Variants in PITPNM3 observed in about 807,000 individuals in gnomAD.
The protein encoded by PITPNM3 is membrane-associated phosphatidylinositol transfer protein 3.
In PITPNM3, 26 loss-of-function variants were observed where a neutral mutation model predicts 102.0. That is an observed-to-expected ratio of 0.25 (90% CI 0.19 to 0.35). The LOEUF is 0.35. PITPNM3 is among the 10% of genes least tolerant of loss of function. The probability of loss-of-function intolerance (pLI) is 1.00; values close to 1 mark genes in which losing one functional copy is unlikely to be tolerated. For synonymous variants in PITPNM3, 578 were observed against 558.6 expected, an observed-to-expected ratio of 1.03 and a Z score of -0.49; for missense variants, 1,083 against 1,346.1, an observed-to-expected ratio of 0.80 and a Z score of 3.06.
chr17:6,478,637 G>C lies in PITPNM3; in HGVS notation c.687C>G (p.Tyr229Ter). 1 of 1,613,964 alleles carries C rather than the reference G, an allele frequency of 6.2e-7. No individual in the cohort carries two copies. The highest frequency in any genetic ancestry group is 8.5e-7 in the Non-Finnish European group (1 of 1,179,982). ...CGATGACGGTGGCGACAGCATCCTG[G>C]TACTGCGGGGAGGAGATGGCCAACA... ...LPLLAISSPQ[Y>*]QDAVATVIER... Residue 229 changes from tyrosine to a stop codon, truncating the protein, a stop_gained, in exon 7 of 20, where the codon TAC (tyrosine) becomes TAG (stop). Coordinates refer to ENST00000262483, the MANE Select transcript of PITPNM3 (RefSeq NM_031220.4). LOFTEE classifies it high-confidence loss of function. This position sits in a 1 kb window ranked among gnomAD's most constrained non-coding sequence, Gnocchi z 4.4.
chr17:6,460,376 G>C (rs1184003122), intron 18 of PITPNM3, among the ~76,000 whole-genome samples: 1 of 152,186 alleles, frequency 6.6e-6, no homozygotes, highest in Non-Finnish European at 1.5e-5. Flanking sequence ...TTTGCTAAAA[G>C]GGCCTTTTTC....
chr17:6,524,518 TACG>T (rs1908716273), intron 3 of PITPNM3, among the ~76,000 whole-genome samples: 1 of 152,224 alleles, frequency 6.6e-6, no homozygotes, highest in Non-Finnish European at 1.5e-5. Flanking sequence ...GCTCAGATTT[TACG>T]ACATCTTCAG....
chr17:6,484,183 TTGAGC>T, intron 5 of PITPNM3, 28 bp downstream of exon 5: 1 of 1,554,026 alleles, frequency 6.4e-7, no homozygotes, highest in Non-Finnish European at 8.9e-7. Flanking sequence ...GGCCTCTGAG[TTGAGC>T]CCAGACACCC....
chr17:6,482,074 C>G (rs1597375147), intron 6 of PITPNM3, among the ~76,000 whole-genome samples: 1 of 146,476 alleles, frequency 6.8e-6, no homozygotes, highest in East Asian at 2.1e-4. Context: ...CTGTCTCTCT[C>G]TCTCTCTCTC....
rs539714055 is a variant in PITPNM3 at position 6,537,648 on chromosome 17, G to A, written c.118+339C>T. ...AGCAGCGGCACTTTTACTTAGTGGC[G>A]ATGGTCCCCATTCGTCATTGTATTT... is the stretch of plus-strand genomic sequence containing the variant. On this transcript the variant is annotated intron_variant, in intron 2 of 19. Coordinates refer to ENST00000262483, the MANE Select transcript of PITPNM3 (RefSeq NM_031220.4). This position sits in a 1 kb window ranked among gnomAD's most constrained non-coding sequence, Gnocchi z 4.4. Among the ~76,000 whole-genome samples, 4 of 152,300 alleles carry A rather than the reference G, an allele frequency of 2.6e-5. No individual in the cohort carries two copies. The highest frequency in any genetic ancestry group is 7.2e-5 in the African/African-American group (3 of 41,568).
Position 6,484,197 on chromosome 17 carries a change from C to T in PITPNM3, c.351+19G>A. 6.3e-7 allele frequency: 1 copy of T among 1,586,358 alleles called. No individual in the cohort carries two copies. Among genetic ancestry groups the T allele is most frequent in the Non-Finnish European group, 8.7e-7 (1 of 1,155,244 alleles). On this transcript the variant is annotated intron_variant, in intron 5 of 19. Transcript: ENST00000262483. ...TGGCCTCTGAGTTGAGCCCAGACAC[C>T]CTCCGAAGCCCAGCCTACCTCGCTG...
Position 6,478,517 on chromosome 17 carries a change from G to A in PITPNM3, c.777+30C>T. The stretch of plus-strand genomic sequence containing the variant: ...CCAGGCCGGGGCCGGAACAGGGGAG[G>A]GGAGAGGAGGAGAGGGCAGGCTGTC... On this transcript the variant is annotated intron_variant, in intron 7 of 19. Transcript: ENST00000262483. The surrounding 1 kb of genome is among the most constrained non-coding windows in gnomAD (Gnocchi z 4.4). 9 of 1,611,692 alleles carry A rather than the reference G, an allele frequency of 5.6e-6. No homozygotes were observed. Among genetic ancestry groups the A allele is most frequent in the South Asian group, 5.5e-5 (5 of 91,002 alleles).
chr17:6,549,447 G>A (rs1490099154), intron 1 of PITPNM3, among the ~76,000 whole-genome samples: 1 of 152,218 alleles, frequency 6.6e-6, no homozygotes, highest in African/African-American at 2.4e-5. Context: ...CAGGTTGGCT[G>A]TGTGGGGCCC....
intron 4 of PITPNM3, among the ~76,000 whole-genome samples, chr17:6,502,512 G>T (rs1034954112): frequency 9.2e-5 from 14 of 152,160 alleles, no homozygotes; most frequent in Non-Finnish European, 1.8e-4. Flanking sequence ...GCCACTCAAG[G>T]CTGGGTTCCA....
intron 4 of PITPNM3, among the ~76,000 whole-genome samples, chr17:6,490,150 A>G (rs1906366568): frequency 6.6e-6 from 1 of 152,164 alleles, no homozygotes; most frequent in Admixed American, 6.5e-5. Flanking sequence ...GAAGAACTAC[A>G]GCCTCATTCA....
Position 6,537,912 on chromosome 17 carries a change from C to G in PITPNM3, c.118+75G>C. On this transcript the variant is annotated intron_variant, in intron 2 of 19. Transcript: ENST00000262483. This position sits in a 1 kb window ranked among gnomAD's most constrained non-coding sequence, Gnocchi z 4.4. ...CGTCTGAGTGGGGAGGGATGCGGACCCCCAAATGGGATCTTCTTCTTGAGG... is the reference window on the plus strand; with the variant it reads ...CGTCTGAGTGGGGAGGGATGCGGACGCCCAAATGGGATCTTCTTCTTGAGG... The G allele has an allele frequency of 1.6e-6, 2 of 1,260,330 alleles. No individual in the cohort carries two copies. The allele number at this position is 1,260,330 out of a possible 1,614,324, so 78.1% of individuals were successfully genotyped here.
At chr17:6,553,846 T>C (rs963575296) in intron 1 of PITPNM3, among the ~76,000 whole-genome samples, 3 of 152,106 alleles carry the variant, frequency 2.0e-5, no homozygotes, top group Non-Finnish European at 4.4e-5. Context: ...CTCTATGTTC[T>C]CCTTGGGCCT....
At chr17:6,505,193 A>ATATATATATATATATATAT (rs1198801942) in intron 3 of PITPNM3, among the ~76,000 whole-genome samples, 101 of 72,248 alleles carry the variant, frequency 1.4e-3, no homozygotes, top group African/African-American at 4.5e-3. Context: ...GAAGACAAAT[A>ATATATATATATATATATAT]AAATATATAT....
intron 4 of PITPNM3, among the ~76,000 whole-genome samples, chr17:6,495,104 G>A (rs750351931): frequency 1.3e-5 from 2 of 152,090 alleles, no homozygotes; most frequent in Non-Finnish European, 2.9e-5. Context: ...ATAGACTCTT[G>A]TATGCAGAGA....
intron 3 of PITPNM3, among the ~76,000 whole-genome samples, chr17:6,520,229 G>A (rs1908430008): frequency 1.3e-5 from 2 of 152,188 alleles, no homozygotes; most frequent in Admixed American, 1.3e-4. Context: ...ACATTGTGGG[G>A]AAATGGCTAA....
At chr17:6,544,140 G>A (rs1236379277) in intron 1 of PITPNM3, among the ~76,000 whole-genome samples, 2 of 152,348 alleles carry the variant, frequency 1.3e-5, no homozygotes, top group East Asian at 3.9e-4. Context: ...CTGGCCTGTG[G>A]CCACAGCTTC....
At chr17:6,550,693 G>A (rs1053927955) in intron 1 of PITPNM3, among the ~76,000 whole-genome samples, 3 of 152,216 alleles carry the variant, frequency 2.0e-5, no homozygotes, top group African/African-American at 7.2e-5. Flanking sequence ...ACAGCTTCTG[G>A]CCAATCTGAC....
intron 1 of PITPNM3, among the ~76,000 whole-genome samples, chr17:6,538,973 G>C (rs1220252082): frequency 1.3e-5 from 2 of 152,184 alleles, no homozygotes; most frequent in African/African-American, 4.8e-5. Context: ...AGATCCCAGA[G>C]CATAAACTGT....
At chr17:6,501,015 C>T (rs1330174712) in intron 4 of PITPNM3, among the ~76,000 whole-genome samples, 1 of 152,206 alleles carries the variant, frequency 6.6e-6, no homozygotes, top group Non-Finnish European at 1.5e-5. Context: ...TGATGACAGC[C>T]TTCAGCAATA....
Sources: allele counts gnomAD v4.1 joint callset (sites outside exome capture counted in the v4.1 genomes callset), GRCh38; gene constraint gnomAD v4.1.1; non-coding constraint Gnocchi (gnomAD v3.1); transcripts MANE v1.5; gene names NCBI Gene and HGNC (gene_info 2026-07-23, HGNC 2026-07-21).